NFATC2: variants seen among roughly 807,000 people sequenced by gnomAD.
NFATC2 encodes nuclear factor of activated T-cells, cytoplasmic 2.
In NFATC2, 22 loss-of-function variants were observed where a neutral mutation model predicts 87.3. That is an observed-to-expected ratio of 0.25 (90% CI 0.18 to 0.36). The LOEUF (loss-of-function observed/expected upper bound fraction) is 0.36, where lower values mean the gene tolerates loss of function less well. NFATC2 is among the 10% of genes least tolerant of loss of function. NFATC2 has a pLI of 1.00. For synonymous variants in NFATC2, 565 were observed against 542.2 expected, an observed-to-expected ratio of 1.04 and a Z score of -0.58; for missense variants, 1,149 against 1,259.1, an observed-to-expected ratio of 0.91 and a Z score of 1.32.
chr20:51,536,635 G>C (rs7275015), intron 1 of NFATC2, among the ~76,000 whole-genome samples: 1 of 152,160 alleles, frequency 6.6e-6, no homozygotes, highest in South Asian at 2.1e-4. Context: ...GAACACAGGG[G>C]CTTGAATTTA....
At chr20:51,433,904 C>G (rs1260079598) in intron 8 of NFATC2, among the ~76,000 whole-genome samples, 1 of 152,108 alleles carries the variant, frequency 6.6e-6, no homozygotes, top group Non-Finnish European at 1.5e-5. Context: ...TCACCTCACT[C>G]CCTGGCCCAA....
chr20:51,490,957 TC>T (rs1245707954), intron 3 of NFATC2, among the ~76,000 whole-genome samples: 1 of 151,970 alleles, frequency 6.6e-6, no homozygotes, highest in Non-Finnish European at 1.5e-5. Context: ...GAAGCCACCA[TC>T]TCCAAAGCCA....
At chr20:51,448,103 A>G (rs989982785) in intron 6 of NFATC2, among the ~76,000 whole-genome samples, 8 of 152,194 alleles carry the variant, frequency 5.3e-5, no homozygotes, top group Non-Finnish European at 1.0e-4. Context: ...AAACGCTGAG[A>G]CTCTGCTGTC....
chr20:51,433,412 G>C (rs769597828), intron 8 of NFATC2, among the ~76,000 whole-genome samples: 3 of 152,070 alleles, frequency 2.0e-5, no homozygotes, highest in Non-Finnish European at 4.4e-5. Flanking sequence ...TACCTGGCAG[G>C]AACAATCATA....
At chr20:51,441,472 T>C (rs1984326682) in intron 6 of NFATC2, among the ~76,000 whole-genome samples, 1 of 151,974 alleles carries the variant, frequency 6.6e-6, no homozygotes, top group South Asian at 2.1e-4. Flanking sequence ...TCCCAGCACT[T>C]TGGGAGGCCA....
At chr20:51,447,186 G>A (rs1672442315) in intron 6 of NFATC2, among the ~76,000 whole-genome samples, 1 of 152,284 alleles carries the variant, frequency 6.6e-6, no homozygotes, top group Admixed American at 6.5e-5. Context: ...ACTCATGTCA[G>A]GATATGATGA....
intron 9 of NFATC2, among the ~76,000 whole-genome samples, chr20:51,402,217 C>G (rs1052678120): frequency 1.3e-5 from 2 of 152,234 alleles, no homozygotes; most frequent in African/African-American, 4.8e-5. Flanking sequence ...GACTAACCAA[C>G]TGTGTAAACT....
At chr20:51,555,517 C>T (rs989011109) in intron 1 of NFATC2, among the ~76,000 whole-genome samples, 3 of 151,796 alleles carry the variant, frequency 2.0e-5, no homozygotes, top group African/African-American at 2.4e-5. Flanking sequence ...GGCGTGAATC[C>T]GGGAGGCAGA....
At chr20:51,547,210 C>A (rs368103604), upstream of NFATC2, among the ~76,000 whole-genome samples, 10 of 152,190 alleles carry the variant, frequency 6.6e-5, 1 homozygote, top group East Asian at 1.9e-4. Context: ...GTTCTTATAG[C>A]CGTCCAGGAA....
intron 2 of NFATC2, among the ~76,000 whole-genome samples, chr20:51,519,248 T>A (rs1271591066): frequency 2.6e-5 from 4 of 152,130 alleles, no homozygotes; most frequent in African/African-American, 9.7e-5. Context: ...AAAAATTTTG[T>A]GAGAAGAAAA....
At chr20:51,537,411 T>C (rs775630849) in intron 1 of NFATC2, among the ~76,000 whole-genome samples, 4 of 151,984 alleles carry the variant, frequency 2.6e-5, no homozygotes, top group Non-Finnish European at 4.4e-5. Context: ...ATCACAGGAA[T>C]AGACTCTATA....
chr20:51,472,629 CTTTTTTTTTTTTTT>C (rs1223762055), intron 5 of NFATC2, among the ~76,000 whole-genome samples: 1 of 92,734 alleles, frequency 1.1e-5, no homozygotes, highest in Non-Finnish European at 2.0e-5. Flanking sequence ...CTTCTTTCTT[CTTTTTTTTTTTTTT>C]TTTTTTTTTT....
rs73267894 is a variant in NFATC2, at chr20:51,412,168, A to G, written c.2723-13438T>C. 6.3e-3 allele frequency among the ~76,000 whole-genome samples: 963 copies of G among 152,276 alleles called. 8 individuals carry two copies. Among genetic ancestry groups the G allele is most frequent in the African/African-American group, 0.021 (859 of 41,560 alleles). On this transcript the variant is annotated intron_variant, in intron 9 of 10. Transcript: ENST00000371564. ...CTCTGATAATAAGAAACCAAGGGCT[A>G]TAAGATCTGGAGTTTGAATTTAGGG...
chr20:51,437,738 T>C (rs902497634), intron 6 of NFATC2, among the ~76,000 whole-genome samples: 8 of 152,120 alleles, frequency 5.3e-5, no homozygotes, highest in Non-Finnish European at 1.0e-4. Flanking sequence ...ATGGGCTATG[T>C]TAAAAGGGAA....
At chr20:51,444,248 C>G (rs1984755151) in intron 6 of NFATC2, among the ~76,000 whole-genome samples, 1 of 152,038 alleles carries the variant, frequency 6.6e-6, no homozygotes, top group Admixed American at 6.6e-5. Flanking sequence ...TCCCAAAGTG[C>G]TGGGATTACA....
intron 3 of NFATC2, among the ~76,000 whole-genome samples, chr20:51,478,676 T>C (rs1343223309): frequency 6.6e-6 from 1 of 152,192 alleles, no homozygotes; most frequent in African/African-American, 2.4e-5. Flanking sequence ...CAGATCCAGA[T>C]ACTCCCCTGC....
At chr20:51,437,817 A>G (rs1212934059) in intron 6 of NFATC2, among the ~76,000 whole-genome samples, 2 of 152,172 alleles carry the variant, frequency 1.3e-5, no homozygotes, top group African/African-American at 4.8e-5. Flanking sequence ...GGACCAAGTC[A>G]TATTTATCAC....
At chr20:51,430,992 A>G (rs563094892) in intron 9 of NFATC2, among the ~76,000 whole-genome samples, 43 of 152,196 alleles carry the variant, frequency 2.8e-4, no homozygotes, top group Non-Finnish European at 5.9e-4. Context: ...AAAAAACTCC[A>G]GTCGCTTAAC....
Position 51,524,687 on chromosome 20 carries a change from T to C in NFATC2, c.131-577A>G, listed in dbSNP as rs1288961488. On this transcript the variant is annotated intron_variant, in intron 1 of 10. Coordinates refer to ENST00000371564, the MANE Select transcript of NFATC2 (RefSeq NM_012340.5). The surrounding 1 kb of genome is among the most constrained non-coding windows in gnomAD (Gnocchi z 4.0). ...GCAGACTCTGCAGCCCACAGTGCCC[T>C]GGGCTTCAATCCCAGATTTCACACC... Among the ~76,000 whole-genome samples the C allele has an allele frequency of 6.6e-6, 1 of 152,130 alleles. No homozygotes were observed. Among genetic ancestry groups the C allele is most frequent in the Non-Finnish European group, 1.5e-5 (1 of 68,024 alleles).
Sources: gnomAD v4.1 joint callset for allele counts (sites outside exome capture counted in the v4.1 genomes callset) on GRCh38, gnomAD v4.1.1 for gene constraint, Gnocchi (gnomAD v3.1) non-coding constraint, MANE v1.5 for transcripts, NCBI Gene and HGNC (gene_info 2026-07-23, HGNC 2026-07-21) for gene names.